AVEN: variants seen among roughly 807,000 people sequenced by gnomAD.
AVEN encodes cell death regulator Aven.
In AVEN, 41 loss-of-function variants were observed where a neutral mutation model predicts 38.1. That is an observed-to-expected ratio of 1.08 (90% CI 0.84 to 1.40). The LOEUF (loss-of-function observed/expected upper bound fraction) is 1.40. Among genes scored for constraint, AVEN ranks in the 40% most tolerant of loss-of-function variants. AVEN has a pLI of 0.00. For synonymous variants in AVEN, 206 were observed against 171.8 expected, an observed-to-expected ratio of 1.20 and a Z score of -1.56; for missense variants, 605 against 438.8, an observed-to-expected ratio of 1.38 and a Z score of -3.38.
chr15:33,968,367 C>G (rs987090583), intron 2 of AVEN, among the ~76,000 whole-genome samples: 14 of 152,104 alleles, frequency 9.2e-5, no homozygotes, highest in African/African-American at 3.4e-4. Flanking sequence ...ATATCATCAT[C>G]TGCTCCTTTC....
At chr15:33,915,903 T>C (rs1249010295) in intron 2 of AVEN, among the ~76,000 whole-genome samples, 1 of 152,096 alleles carries the variant, frequency 6.6e-6, no homozygotes, top group East Asian at 1.9e-4. Flanking sequence ...AAGGGCTTGC[T>C]TTACCCCACC....
At chr15:33,920,488 C>T (rs548720302) in intron 2 of AVEN, among the ~76,000 whole-genome samples, 2 of 152,184 alleles carry the variant, frequency 1.3e-5, no homozygotes, top group East Asian at 3.8e-4. Context: ...GTCAATATCA[C>T]GGTATTCCTT....
chr15:33,904,959 G>A (rs1238289563), intron 2 of AVEN, among the ~76,000 whole-genome samples: 5 of 151,376 alleles, frequency 3.3e-5, no homozygotes, highest in Admixed American at 6.6e-5. Flanking sequence ...GTGAAACCTC[G>A]TCTCTACTAA....
At chr15:33,993,223 G>A (rs1284022432) in intron 2 of AVEN, among the ~76,000 whole-genome samples, 2 of 152,178 alleles carry the variant, frequency 1.3e-5, no homozygotes, top group African/African-American at 4.8e-5. Context: ...TAAGAGTGGG[G>A]TGCCATTTTC....
At chr15:34,032,685 C>A (rs1484592177) in intron 1 of AVEN, among the ~76,000 whole-genome samples, 6 of 152,154 alleles carry the variant, frequency 3.9e-5, no homozygotes, top group Non-Finnish European at 8.8e-5. Context: ...GAATCAACTT[C>A]CAGATATTCA....
chr15:33,862,510 ATCTT>A (rs1315695111), downstream of AVEN, among the ~76,000 whole-genome samples: 2 of 152,216 alleles, frequency 1.3e-5, no homozygotes, highest in African/African-American at 4.8e-5. Flanking sequence ...CTGAGCCCTC[ATCTT>A]TCTTTAGGCT....
chr15:34,075,138 C>G (rs779842077), exon 1 of AVEN, among the ~76,000 whole-genome samples: 1 of 146,122 alleles, frequency 6.8e-6, no homozygotes, highest in African/African-American at 2.6e-5. Flanking sequence ...GCCAAGATCA[C>G]GCCACTGCAC....
intron 1 of AVEN, among the ~76,000 whole-genome samples, chr15:34,009,092 T>C (rs1223546196): frequency 6.6e-6 from 1 of 151,568 alleles, no homozygotes; most frequent in African/African-American, 2.4e-5. Flanking sequence ...CAGAAGGCAA[T>C]AATATAACAT....
intron 2 of AVEN, among the ~76,000 whole-genome samples, chr15:33,904,682 TA>T (rs77784482): frequency 5.2e-5 from 7 of 133,822 alleles, no homozygotes; most frequent in Admixed American, 2.2e-4. Flanking sequence ...ACTGTTTCTT[TA>T]AAAAAAAAAA....
intron 2 of AVEN, among the ~76,000 whole-genome samples, chr15:33,967,226 A>G (rs936251516): frequency 6.6e-6 from 1 of 152,142 alleles, no homozygotes; most frequent in African/African-American, 2.4e-5. Flanking sequence ...ATACATGTTC[A>G]TCTGTCAGTG....
intron 2 of AVEN, among the ~76,000 whole-genome samples, chr15:34,000,517 T>C (rs1240159923): frequency 6.6e-6 from 1 of 152,228 alleles, no homozygotes; most frequent in African/African-American, 2.4e-5. Flanking sequence ...AAGTTTATGA[T>C]TGCACACCTA....
At chr15:33,936,018 C>G (rs1450170460) in intron 2 of AVEN, among the ~76,000 whole-genome samples, 1 of 151,588 alleles carries the variant, frequency 6.6e-6, no homozygotes, top group Non-Finnish European at 1.5e-5. Context: ...GAATCGATTT[C>G]AAGATTTAAA....
At chr15:33,912,415 A>G (rs61364850) in intron 2 of AVEN, among the ~76,000 whole-genome samples, 13,143 of 152,236 alleles carry the variant, frequency 0.086, 971 homozygotes, top group African/African-American at 0.19. Flanking sequence ...GTATGAAATA[A>G]CCTCAACTAT....
At chr15:34,001,638 T>C (rs1170665465) in intron 2 of AVEN, among the ~76,000 whole-genome samples, 2 of 152,216 alleles carry the variant, frequency 1.3e-5, no homozygotes, top group Admixed American at 6.5e-5. Flanking sequence ...GTGTTACCAG[T>C]TCTTGAACAG....
intron 2 of AVEN, among the ~76,000 whole-genome samples, chr15:33,892,265 C>T (rs1400942021): frequency 6.6e-6 from 1 of 152,190 alleles, no homozygotes; most frequent in African/African-American, 2.4e-5. Context: ...CTTTTGTTGC[C>T]ATTGCTTTTG....
chr15:33,859,242 C>G lies in AVEN; in HGVS notation n.2730-148G>C, dbSNP rs373560482. ...GCACAGCCTGAAGGCCAGGCTAACACTCTTAAAATTAAATGAGGAAAAATT... is the reference window on the plus strand; with the variant it reads ...GCACAGCCTGAAGGCCAGGCTAACAGTCTTAAAATTAAATGAGGAAAAATT... On this transcript the variant is annotated intron_variant and non_coding_transcript_variant, in intron 11 of 11. Transcript: ENST00000675287. 2.8e-4 allele frequency: 71 copies of G among 249,230 alleles called. No individual in the cohort carries two copies. In the East Asian group the frequency reaches 3.6e-3, roughly 13 times the overall value. The allele number at this position is 249,230 out of a possible 1,614,324, so 15.4% of individuals were successfully genotyped here.
chr15:34,073,673 A>G (rs551863590), intron 1 of AVEN, among the ~76,000 whole-genome samples: 82 of 151,838 alleles, frequency 5.4e-4, no homozygotes, highest in African/African-American at 1.8e-3. Flanking sequence ...GGTGCACACC[A>G]CCACACCCAG....
At chr15:33,997,465 C>T (rs555517319) in intron 2 of AVEN, among the ~76,000 whole-genome samples, 2 of 152,292 alleles carry the variant, frequency 1.3e-5, no homozygotes, top group East Asian at 3.9e-4. Context: ...GAGGTCTCCA[C>T]ACCAACTCAC....
At chr15:33,859,500 T>C in intron 11 of AVEN, 1 of 1,543,610 alleles carries the variant, frequency 6.5e-7, no homozygotes, top group Non-Finnish European at 8.9e-7. Context: ...GACCGAATCA[T>C]ATGAATGATC....
Sources: gnomAD v4.1 joint callset for allele counts (sites outside exome capture counted in the v4.1 genomes callset) on GRCh38, gnomAD v4.1.1 for gene constraint, MANE v1.5 for transcripts, NCBI Gene and HGNC (gene_info 2026-07-23, HGNC 2026-07-21) for gene names.